The following PPP2R5E variants were observed in gnomAD, a reference collection of about 807,000 sequenced individuals.
PPP2R5E encodes protein phosphatase 2 regulatory subunit B'epsilon, also known as serine/threonine-protein phosphatase 2A 56 kDa regulatory subunit epsilon isoform.
In PPP2R5E, 4 loss-of-function variants were observed where a neutral mutation model predicts 65.3. The observed-to-expected ratio is 0.06, with a 90% CI of 0.03 to 0.14. The LOEUF is 0.14. PPP2R5E is among the 10% of genes least tolerant of loss of function. The pLI is 1.00. For synonymous variants in PPP2R5E, 183 were observed against 187.4 expected (o/e 0.98, Z 0.19); for missense variants, 274 against 556.1 (o/e 0.49, Z 5.10).
intron 2 of PPP2R5E, among the ~76,000 whole-genome samples, chr14:63,523,715 A>AT (rs796510719): frequency 1.1e-4 from 15 of 130,626 alleles, no homozygotes; most frequent in African/African-American, 2.6e-4. Context: ...AAATAAATAA[A>AT]TTAAAAAAAA....
chr14:63,528,116 A>C (rs1198066890), intron 2 of PPP2R5E, among the ~76,000 whole-genome samples: 1 of 152,158 alleles, frequency 6.6e-6, no homozygotes, highest in African/African-American at 2.4e-5. Context: ...ATTTTTAAGT[A>C]TTAAAAGAGG....
intron 2 of PPP2R5E, among the ~76,000 whole-genome samples, chr14:63,517,915 T>C (rs8006838): frequency 0.012 from 1,814 of 152,318 alleles, 31 homozygotes; most frequent in African/African-American, 0.042. Flanking sequence ...TAAACTTTTA[T>C]TCTCTTAATG....
chr14:63,383,537 A>C (rs1188287345), intron 12 of PPP2R5E, among the ~76,000 whole-genome samples: 2 of 152,214 alleles, frequency 1.3e-5, no homozygotes, highest in African/African-American at 4.8e-5. Context: ...GTATAAAGGG[A>C]CTTAACTGTT....
At chr14:63,468,373 CTAATA>C (rs1276523019) in intron 2 of PPP2R5E, among the ~76,000 whole-genome samples, 3 of 152,128 alleles carry the variant, frequency 2.0e-5, no homozygotes, top group Non-Finnish European at 4.4e-5. Flanking sequence ...CCTTGACCTA[CTAATA>C]TAATACCCAG....
chr14:63,452,713 T>C (rs1362798913), intron 3 of PPP2R5E: 1 of 152,116 alleles, frequency 6.6e-6, no homozygotes, highest in Non-Finnish European at 1.5e-5. Flanking sequence ...CACGCTGAGA[T>C]CATTCAAGTG....
chr14:63,502,096 T>G (rs981585993), intron 2 of PPP2R5E, among the ~76,000 whole-genome samples: 1 of 152,096 alleles, frequency 6.6e-6, no homozygotes, highest in Non-Finnish European at 1.5e-5. Context: ...GGTTTCACCA[T>G]GTAGGCCAAG....
At chr14:63,530,781 A>T (rs1439726358) in intron 2 of PPP2R5E, among the ~76,000 whole-genome samples, 2 of 150,580 alleles carry the variant, frequency 1.3e-5, no homozygotes, top group Non-Finnish European at 3.0e-5. Flanking sequence ...CGCCTGACTA[A>T]TTTTTTTGTA....
chr14:63,450,110 A>C (rs1315524327), intron 3 of PPP2R5E, among the ~76,000 whole-genome samples: 2 of 152,116 alleles, frequency 1.3e-5, no homozygotes, highest in Admixed American at 1.3e-4. Flanking sequence ...TCCTGGCCTC[A>C]AGTGATCCAC....
rs542165834 is a variant in PPP2R5E, at chr14:63,513,190, C to T, written c.157+26339G>A. 3.3e-5 allele frequency among the ~76,000 whole-genome samples: 5 copies of T among 152,214 alleles called. No homozygotes were observed. The East Asian group carries it at 9.7e-4, about 29-fold the overall frequency. Reference sequence around the variant, plus strand: ...GAGTCTTCAGGAAGAAAGAAAATTCCTGAAGATGGATACTGATTATCTCTG... The same window carrying T: ...GAGTCTTCAGGAAGAAAGAAAATTCTTGAAGATGGATACTGATTATCTCTG... On this transcript the variant is annotated intron_variant, in intron 2 of 13. Coordinates refer to ENST00000337537, the MANE Select transcript of PPP2R5E (RefSeq NM_006246.5).
intron 2 of PPP2R5E, among the ~76,000 whole-genome samples, chr14:63,465,590 C>T (rs992623606): frequency 6.6e-6 from 1 of 152,034 alleles, no homozygotes; most frequent in Non-Finnish European, 1.5e-5. Flanking sequence ...TGCACCACTG[C>T]GCTCCAGCCT....
At chr14:63,448,663 T>G (rs1333269975) in intron 3 of PPP2R5E, among the ~76,000 whole-genome samples, 1 of 151,428 alleles carries the variant, frequency 6.6e-6, no homozygotes, top group Non-Finnish European at 1.5e-5. Flanking sequence ...GTGGCTCCCG[T>G]GTATAATGCC....
intron 2 of PPP2R5E, among the ~76,000 whole-genome samples, chr14:63,519,719 C>T (rs1014993581): frequency 1.3e-5 from 2 of 149,282 alleles, no homozygotes; most frequent in Non-Finnish European, 3.0e-5. Context: ...TGGAGTGCAG[C>T]GGCGCAATCT....
At chr14:63,541,417 C>T (rs1041589845) in intron 1 of PPP2R5E, among the ~76,000 whole-genome samples, 4 of 152,182 alleles carry the variant, frequency 2.6e-5, no homozygotes, top group South Asian at 2.1e-4. Flanking sequence ...ACTTACGGAA[C>T]TGAATAGCAC....
At chr14:63,422,447 C>T (rs369275913) in intron 3 of PPP2R5E, among the ~76,000 whole-genome samples, 32 of 152,308 alleles carry the variant, frequency 2.1e-4, no homozygotes, top group African/African-American at 7.0e-4. Flanking sequence ...TAACTGCTGG[C>T]CGGGCGCAGT....
At chr14:63,506,463 A>G (rs1355814220) in intron 2 of PPP2R5E, among the ~76,000 whole-genome samples, 2 of 152,112 alleles carry the variant, frequency 1.3e-5, no homozygotes, top group Non-Finnish European at 2.9e-5. Flanking sequence ...AAAAGAAAAA[A>G]GTAATAATAA....
intron 5 of PPP2R5E, among the ~76,000 whole-genome samples, chr14:63,404,646 A>G (rs190449504): frequency 6.6e-6 from 1 of 152,234 alleles, no homozygotes; most frequent in East Asian, 1.9e-4. Flanking sequence ...TGACTCCAAG[A>G]CTCCTATGGA....
chr14:63,535,852 G>T (rs1412374689), intron 2 of PPP2R5E, among the ~76,000 whole-genome samples: 3 of 151,990 alleles, frequency 2.0e-5, no homozygotes, highest in African/African-American at 7.3e-5. Flanking sequence ...GTTTATCCTG[G>T]TTTCTCTTAA....
At chr14:63,424,607 C>T (rs1001614502) in intron 3 of PPP2R5E, among the ~76,000 whole-genome samples, 144 of 151,924 alleles carry the variant, frequency 9.5e-4, no homozygotes, top group African/African-American at 3.2e-3. Flanking sequence ...AAAAATTAGC[C>T]GGGTGTGGTG....
chr14:63,528,968 T>A (rs1227128678), intron 2 of PPP2R5E, among the ~76,000 whole-genome samples: 1 of 152,028 alleles, frequency 6.6e-6, no homozygotes, highest in African/African-American at 2.4e-5. Context: ...AAAGATAAAA[T>A]AATTAAAGAT....
Sources: allele counts gnomAD v4.1 joint callset (sites outside exome capture counted in the v4.1 genomes callset), GRCh38; gene constraint gnomAD v4.1.1; transcripts MANE v1.5; gene names NCBI Gene and HGNC (gene_info 2026-07-23, HGNC 2026-07-21).